Variants in PIEZO1 observed in about 807,000 individuals in gnomAD.
PIEZO1 encodes the protein piezo type mechanosensitive ion channel component 1 (Er blood group).
PIEZO1 carries 296 observed loss-of-function variants against 297.2 expected under a neutral mutation model. The observed-to-expected ratio is 1.00, with a 90% CI of 0.91 to 1.10. The LOEUF (loss-of-function observed/expected upper bound fraction) is 1.10. Among genes scored for constraint, PIEZO1 ranks in the 50% least tolerant of loss-of-function variants. PIEZO1 has a pLI of 0.00. For synonymous variants in PIEZO1, 2,427 were observed against 1,507.5 expected (o/e 1.61, Z -14.13); for missense variants, 5,018 against 3,455.5 (o/e 1.45, Z -11.34).
chr16:88,726,430 C>G lies in PIEZO1; in HGVS notation c.3822G>C (p.Gln1274His). The change falls in exon 27 of 51, where the codon CAG (glutamine) becomes CAC (histidine). Residue 1274 changes from glutamine to histidine, a missense_variant. Transcript: ENST00000301015. ...CCTCCTCCACAGGCAGCAGGCAGTC[C>G]TGGTCTCTGTCCATCATCTCCTTGG... ...YDPKEMMDRD[Q>H]DCLLPVEEAG... 6.4e-7 allele frequency: 1 copy of G among 1,550,472 alleles called. No homozygotes were observed. Among genetic ancestry groups the G allele is most frequent in the South Asian group, 1.2e-5 (1 of 84,058 alleles).
chr16:88,773,120 G>A (rs1013641854), intron 1 of PIEZO1, among the ~76,000 whole-genome samples: 2 of 152,240 alleles, frequency 1.3e-5, no homozygotes, highest in African/African-American at 2.4e-5. Flanking sequence ...TGTCACCAGC[G>A]GCTCCAGCCA....
chr16:88,733,230 C>T, intron 19 of PIEZO1, 48 bp downstream of exon 19: 1 of 1,505,724 alleles, frequency 6.6e-7, no homozygotes, highest in Non-Finnish European at 9.0e-7. Context: ...GCTGCGAATA[C>T]AGAGTTGCCT....
At chr16:88,778,839 A>G (rs933892342) in intron 1 of PIEZO1, among the ~76,000 whole-genome samples, 7 of 152,178 alleles carry the variant, frequency 4.6e-5, no homozygotes, top group Non-Finnish European at 8.8e-5. Flanking sequence ...ACACCCAGGC[A>G]TCCAGCAGCC....
chr16:88,733,318 T>C lies in PIEZO1; in HGVS notation c.2624A>G (p.Lys875Arg), dbSNP rs1173063491. 7.1e-6 allele frequency: 11 copies of C among 1,549,608 alleles called. No individual in the cohort carries two copies. Among genetic ancestry groups the C allele is most frequent in the Non-Finnish European group, 8.7e-6 (10 of 1,146,318 alleles). ...GGAATACTCCTGGGGGTTGACAACC[T>C]TGAGCTGGTACAGCATCTTACACAC... ...IIVCKMLYQLKVVNPQEYSSN... is the reference protein window; with the variant it reads ...IIVCKMLYQLRVVNPQEYSSN... The change falls in exon 19 of 51, where the codon AAG (lysine) becomes AGG (arginine). Residue 875 changes from lysine (K) to arginine (R), a missense_variant. By Grantham distance (26) the Lys-to-Arg change is conservative. Transcript: ENST00000301015.
At chr16:88,742,173 A>T in intron 3 of PIEZO1, 78 bp from the exon 4 acceptor site, 2 of 1,517,070 alleles carry the variant, frequency 1.3e-6, no homozygotes, top group Non-Finnish European at 1.8e-6. Flanking sequence ...GGAGCGTTTC[A>T]CCTGGACCAT....
chr16:88,728,061 G>A (rs558007502), intron 22 of PIEZO1, among the ~76,000 whole-genome samples: 9 of 152,384 alleles, frequency 5.9e-5, no homozygotes, highest in East Asian at 1.9e-4. Flanking sequence ...AGCTGGGAAC[G>A]CGCTGCTCAG....
Position 88,722,341 on chromosome 16 carries a change from AG to A in PIEZO1, c.4831del (p.Leu1611Ter). 6.5e-7 allele frequency: 1 copy of A among 1,540,332 alleles called. No homozygotes were observed. The highest frequency in any genetic ancestry group is 8.8e-7 in the Non-Finnish European group (1 of 1,142,472). ...ACTGCGCGTGTGGTAGCCGGTGCTCAGGGGGCTGCCCATGTCGTCTGTCATG... is the reference window on the plus strand; with the variant it reads ...ACTGCGCGTGTGGTAGCCGGTGCTCAGGGGCTGCCCATGTCGTCTGTCATG... ...SSMTDDMGSP[L>X]STGYHTRSGS... is the part of the protein sequence containing the mutation. On this transcript the variant is annotated frameshift_variant, in exon 36 of 51. Coordinates refer to ENST00000301015, the MANE Select transcript of PIEZO1 (RefSeq NM_001142864.4). LOFTEE classifies it high-confidence loss of function.
chr16:88,744,933 C>G (rs935512827), intron 2 of PIEZO1, among the ~76,000 whole-genome samples: 95 of 151,960 alleles, frequency 6.3e-4, no homozygotes, highest in African/African-American at 2.2e-3. Flanking sequence ...CTGCACGGGG[C>G]GGGGAGCGGG....
chr16:88,729,566 G>A (rs1220361220), intron 22 of PIEZO1, among the ~76,000 whole-genome samples: 2 of 127,112 alleles, frequency 1.6e-5, no homozygotes, highest in African/African-American at 3.3e-5. Flanking sequence ...AGGGAACCTC[G>A]TGACCCAAAA....
At chr16:88,731,635 G>C in intron 22 of PIEZO1, 71 bp downstream of exon 22, 1 of 1,224,038 alleles carries the variant, frequency 8.2e-7, no homozygotes, top group Non-Finnish European at 1.2e-6. Context: ...GTCTGGGGCA[G>C]GCGGGAAACA....
intron 1 of PIEZO1, among the ~76,000 whole-genome samples, chr16:88,756,063 C>G (rs963744395): frequency 3.9e-5 from 6 of 152,172 alleles, no homozygotes; most frequent in African/African-American, 1.2e-4. Context: ...CAGGAGTGAG[C>G]AGTCAGAGGT....
rs1301476044 is a variant in PIEZO1, at chr16:88,732,748, G to A, written c.2665-16C>T. ...TGGGGAAGGGCTGGCAAGAGGCCAG[G>A]CATCAGTGCCCCCTCCCAGGCCACA... On this transcript the variant is annotated splice_polypyrimidine_tract_variant and intron_variant, in intron 19 of 50. Coordinates refer to ENST00000301015, the MANE Select transcript of PIEZO1 (RefSeq NM_001142864.4). The A allele has an allele frequency of 2.6e-6, 4 of 1,533,920 alleles. No individual in the cohort carries two copies. The highest frequency in any genetic ancestry group is 1.2e-5 in the South Asian group (1 of 82,162).
intron 1 of PIEZO1, among the ~76,000 whole-genome samples, chr16:88,768,729 C>T (rs1182246932): frequency 6.6e-6 from 1 of 152,204 alleles, no homozygotes; most frequent in Non-Finnish European, 1.5e-5. Flanking sequence ...GCTGGCTGAC[C>T]GTCCCCACCC....
intron 1 of PIEZO1, among the ~76,000 whole-genome samples, chr16:88,759,705 T>A (rs1020191872): frequency 1.4e-4 from 21 of 152,086 alleles, no homozygotes; most frequent in African/African-American, 4.8e-4. Context: ...CTCAGACGGA[T>A]CCCACTTTTA....
In PIEZO1 at chr16:88,715,853, T is replaced by G. The variant is rs1911974815; in HGVS notation, c.7318A>C (p.Ile2440Leu). The change falls in exon 51 of 51, where the codon ATC (isoleucine) becomes CTC (leucine). Residue 2440 changes from isoleucine (I) to leucine (L), a missense_variant and splice_region_variant. By Grantham distance (5) the Ile-to-Leu change is conservative. Transcript: ENST00000301015. ...ACGATGGACACGTACAGCCCCATGATGCTGCGGGGGAAGCTGGTGAGTCCT... is the reference window on the plus strand; with the variant it reads ...ACGATGGACACGTACAGCCCCATGAGGCTGCGGGGGAAGCTGGTGAGTCCT... ...PSLGFLAGYG[I>L]MGLYVSIVLV... 6.5e-7 allele frequency: 1 copy of G among 1,549,632 alleles called. No homozygotes were observed. The highest frequency in any genetic ancestry group is 8.7e-7 in the Non-Finnish European group (1 of 1,146,466).
At chr16:88,769,715 G>C (rs1227872513) in intron 1 of PIEZO1, among the ~76,000 whole-genome samples, 1 of 151,896 alleles carries the variant, frequency 6.6e-6, no homozygotes, top group Non-Finnish European at 1.5e-5. Flanking sequence ...CTGAGGACCT[G>C]AGCCAGGTCT....
chr16:88,733,058 C>T (rs1904974521), intron 19 of PIEZO1: 13 of 590,740 alleles, frequency 2.2e-5, no homozygotes, highest in South Asian at 1.7e-4. Flanking sequence ...CCTGGGACTC[C>T]GCCCCTACTG....
intron 27 of PIEZO1, 138 bp downstream of exon 27, chr16:88,726,146 C>T (rs1301377037): frequency 2.9e-6 from 2 of 699,086 alleles, no homozygotes; most frequent in South Asian, 1.9e-5. Context: ...TTCATTCTCC[C>T]TCTAGATGAC....
At chr16:88,729,909 G>C (rs973624292) in intron 22 of PIEZO1, among the ~76,000 whole-genome samples, 1 of 152,246 alleles carries the variant, frequency 6.6e-6, no homozygotes, top group Admixed American at 6.5e-5. Flanking sequence ...GGAACCTCAC[G>C]ATACAAAAAC....
Sources: gnomAD v4.1 joint callset for allele counts (sites outside exome capture counted in the v4.1 genomes callset) on GRCh38, gnomAD v4.1.1 for gene constraint, MANE v1.5 for transcripts, NCBI Gene and HGNC (gene_info 2026-07-23, HGNC 2026-07-21) for gene names.